Variants in RBMS3 observed in about 807,000 individuals in gnomAD.
RBMS3 encodes the protein RNA binding motif single stranded interacting protein 3, also known as RNA-binding motif, single-stranded-interacting protein 3.
RBMS3 carries 27 observed loss-of-function variants against 66.8 expected under a neutral mutation model. The observed-to-expected ratio is 0.40, with a 90% CI of 0.30 to 0.56. RBMS3 has a LOEUF of 0.56. Among genes scored for constraint, RBMS3 ranks in the 20% least tolerant of loss-of-function variants. The probability of loss-of-function intolerance (pLI) is 0.40; values close to 1 mark genes in which losing one functional copy is unlikely to be tolerated. For missense variants in RBMS3, 513 were observed against 549.5 expected, an observed-to-expected ratio of 0.93 and a Z score of 0.66; for synonymous variants, 188 against 183.0, an observed-to-expected ratio of 1.03 and a Z score of -0.22.
chr3:29,561,642 G>A (rs1217776906), intron 3 of RBMS3, among the ~76,000 whole-genome samples: 4 of 152,062 alleles, frequency 2.6e-5, no homozygotes, highest in African/African-American at 9.7e-5. Context: ...TAGTAGAGAT[G>A]GGGTTTCACC....
intron 6 of RBMS3, among the ~76,000 whole-genome samples, chr3:29,771,430 T>A (rs1459034241): frequency 1.3e-5 from 2 of 151,970 alleles, no homozygotes; most frequent in Non-Finnish European, 2.9e-5. Context: ...TATCATTTGT[T>A]AAATAAATAA....
chr3:29,859,801 G>A (rs2059168240), intron 6 of RBMS3, among the ~76,000 whole-genome samples: 1 of 152,040 alleles, frequency 6.6e-6, no homozygotes, highest in African/African-American at 2.4e-5. Flanking sequence ...AGTAATTTTT[G>A]CCATGTAAAT....
chr3:29,468,390 T>C (rs182289785), intron 2 of RBMS3, among the ~76,000 whole-genome samples: 85 of 152,260 alleles, frequency 5.6e-4, no homozygotes, highest in African/African-American at 2.0e-3. Flanking sequence ...CCAGAAAGGC[T>C]CAGCTTTAAA....
intron 1 of RBMS3, among the ~76,000 whole-genome samples, chr3:29,419,084 T>C (rs747148621): frequency 3.3e-5 from 5 of 152,164 alleles, no homozygotes; most frequent in Non-Finnish European, 5.9e-5. Flanking sequence ...AGAATTAGCA[T>C]TGGATGCAGG....
chr3:29,480,689 T>A (rs1175064379), intron 2 of RBMS3, among the ~76,000 whole-genome samples: 1 of 152,150 alleles, frequency 6.6e-6, no homozygotes, highest in African/African-American at 2.4e-5. Context: ...AAGAAGTAGC[T>A]TGAGTAGAGC....
intron 6 of RBMS3, among the ~76,000 whole-genome samples, chr3:29,824,552 A>G (rs1038854875): frequency 6.6e-6 from 1 of 152,148 alleles, no homozygotes; most frequent in African/African-American, 2.4e-5. Flanking sequence ...TGTTTTTCCT[A>G]TAAAATCCAG....
chr3:29,774,103 A>G (rs2056332862), intron 6 of RBMS3, among the ~76,000 whole-genome samples: 1 of 152,066 alleles, frequency 6.6e-6, no homozygotes, highest in Admixed American at 6.6e-5. Flanking sequence ...TATTTTCATT[A>G]ATGTTTTGAG....
chr3:29,356,114 C>T (rs1369232178), intron 1 of RBMS3, among the ~76,000 whole-genome samples: 1 of 152,140 alleles, frequency 6.6e-6, no homozygotes, highest in African/African-American at 2.4e-5. Context: ...GTAGATATAT[C>T]ATCCAGAGAA....
At chr3:29,700,913 G>A (rs910394331) in intron 4 of RBMS3, among the ~76,000 whole-genome samples, 2 of 152,128 alleles carry the variant, frequency 1.3e-5, no homozygotes, top group Non-Finnish European at 2.9e-5. Context: ...ATTGGACATT[G>A]CGCTTTTTAG....
At chr3:29,625,591 G>T (rs1218588012) in intron 4 of RBMS3, among the ~76,000 whole-genome samples, 1 of 151,958 alleles carries the variant, frequency 6.6e-6, no homozygotes, top group Non-Finnish European at 1.5e-5. Context: ...CTGGCTACTT[G>T]GGAGGCTGAG....
At chr3:29,497,938 C>A (rs144970528) in intron 3 of RBMS3, among the ~76,000 whole-genome samples, 2 of 134,924 alleles carry the variant, frequency 1.5e-5, no homozygotes, top group African/African-American at 5.6e-5. Context: ...CATACAGATG[C>A]ATATGTTTCT....
chr3:29,413,324 G>A lies in RBMS3; in HGVS notation c.76-21419G>A, dbSNP rs564003654. ...GCAGAGGTTGCAGTGAGCTGAGATC[G>A]TGCCACTGCACTCCGGCCTGGGCAA... is the stretch of plus-strand genomic sequence containing the variant. On this transcript the variant is annotated intron_variant, in intron 1 of 14. Coordinates refer to ENST00000383767, the MANE Select transcript of RBMS3 (RefSeq NM_001003793.3). Among the ~76,000 whole-genome samples, 15 of 152,236 alleles carry A rather than the reference G, an allele frequency of 9.9e-5. No homozygotes were observed. In the South Asian group the frequency reaches 2.7e-3, roughly 27 times the overall value.
chr3:29,354,917 T>C (rs997660944), intron 1 of RBMS3, among the ~76,000 whole-genome samples: 9 of 152,136 alleles, frequency 5.9e-5, no homozygotes, highest in Non-Finnish European at 1.2e-4. Context: ...ACTTAACTGT[T>C]AAAAAGACTT....
intron 1 of RBMS3, among the ~76,000 whole-genome samples, chr3:29,308,863 A>G (rs1243819842): frequency 6.6e-6 from 1 of 150,854 alleles, no homozygotes; most frequent in African/African-American, 2.4e-5. Context: ...ATGCCATGGT[A>G]AGGATGCTGA....
intron 1 of RBMS3, among the ~76,000 whole-genome samples, chr3:29,336,640 T>G (rs1393001147): frequency 1.3e-5 from 2 of 152,144 alleles, no homozygotes; most frequent in Non-Finnish European, 2.9e-5. Flanking sequence ...CATCATGAAA[T>G]GAAATATACA....
intron 6 of RBMS3, among the ~76,000 whole-genome samples, chr3:29,851,121 CT>C (rs1238295518): frequency 2.6e-5 from 4 of 152,154 alleles, no homozygotes; most frequent in Non-Finnish European, 5.9e-5. Context: ...ATTACCTTAT[CT>C]TTTTTTAGCA....
intron 4 of RBMS3, among the ~76,000 whole-genome samples, chr3:29,625,602 A>C (rs2049030683): frequency 6.6e-6 from 1 of 151,848 alleles, no homozygotes; most frequent in Non-Finnish European, 1.5e-5. Context: ...GGAGGCTGAG[A>C]GAGGAGAATC....
chr3:29,673,847 G>C (rs756065894), intron 4 of RBMS3, among the ~76,000 whole-genome samples: 1 of 152,052 alleles, frequency 6.6e-6, no homozygotes, highest in African/African-American at 2.4e-5. Context: ...GGTACCATTC[G>C]TTCTGAAACT....
intron 12 of RBMS3, among the ~76,000 whole-genome samples, chr3:29,963,374 A>T (rs1171743981): frequency 6.6e-6 from 1 of 152,182 alleles, no homozygotes; most frequent in African/African-American, 2.4e-5. Context: ...TACAATGTAA[A>T]GCCAAGTTTG....
Sources: gnomAD v4.1 joint callset for allele counts (sites outside exome capture counted in the v4.1 genomes callset) on GRCh38, gnomAD v4.1.1 for gene constraint, MANE v1.5 for transcripts, NCBI Gene and HGNC (gene_info 2026-07-23, HGNC 2026-07-21) for gene names.